GRHL3: variants seen among roughly 807,000 people sequenced by gnomAD.
GRHL3 encodes the protein grainyhead-like protein 3 homolog.
GRHL3 carries 20 observed loss-of-function variants against 70.3 expected under a neutral mutation model. That is an observed-to-expected ratio of 0.28 (90% CI 0.20 to 0.41). The LOEUF is 0.41. Ranked by LOEUF, GRHL3 falls within the 10% of genes least tolerant of loss-of-function variation. The pLI is 1.00. For missense variants in GRHL3, 637 were observed against 762.3 expected (o/e 0.84, Z 1.94); for synonymous variants, 299 against 299.9 (o/e 1.00, Z 0.03).
At chr1:24,330,290 G>T (rs1048078042) in intron 1 of GRHL3, among the ~76,000 whole-genome samples, 1 of 152,156 alleles carries the variant, frequency 6.6e-6, no homozygotes, top group African/African-American at 2.4e-5. Context: ...TAGTCACCCT[G>T]CTGTGAAAGC....
chr1:24,345,059 C>CT (rs1640206904), intron 12 of GRHL3, 128 bp downstream of exon 12: 4 of 709,204 alleles, frequency 5.6e-6, no homozygotes, highest in East Asian at 3.0e-5. Context: ...ACACCTGTGC[C>CT]CCTCCACACC....
chr1:24,331,621 A>G lies in GRHL3; in HGVS notation c.204+9A>G, dbSNP rs765315393. On this transcript the variant is annotated intron_variant, in intron 2 of 15. Transcript: ENST00000361548. ...TCTATGATTACTACATGGTACGTCT[A>G]CCCCCTCTGGACATGCCCCGTTTTG... The G allele has an allele frequency of 6.2e-7, 1 of 1,608,068 alleles. No individual in the cohort carries two copies.
At chr1:24,336,984 G>GT in intron 4 of GRHL3, 94 bp from the exon 5 acceptor site, 1 of 1,330,460 alleles carries the variant, frequency 7.5e-7, no homozygotes, top group Non-Finnish European at 1.1e-6. Context: ...GTTGTACACT[G>GT]TACAACCTGC....
At chr1:24,337,871 G>T in intron 6 of GRHL3, 82 bp downstream of exon 6, 1 of 1,590,484 alleles carries the variant, frequency 6.3e-7, no homozygotes, top group Non-Finnish European at 8.6e-7. Flanking sequence ...GGACCCTGGG[G>T]AAAGGCTGTT....
downstream of GRHL3, chr1:24,358,633 G>C: frequency 2.5e-6 from 4 of 1,601,994 alleles, no homozygotes; most frequent in South Asian, 3.3e-5. Context: ...TGAGGGGACA[G>C]AGAGGCGGAG....
chr1:24,362,075 GA>G (rs1240552736), intron 15 of GRHL3, among the ~76,000 whole-genome samples: 1 of 152,208 alleles, frequency 6.6e-6, no homozygotes, highest in Non-Finnish European at 1.5e-5. Flanking sequence ...TCTCCGCACT[GA>G]ATGGCCAAGG....
downstream of GRHL3, chr1:24,357,555 T>A (rs1640804788): frequency 6.4e-6 from 1 of 155,308 alleles, no homozygotes; most frequent in South Asian, 2.0e-4. Flanking sequence ...CAGTCAAGGC[T>A]GAGAACCACT....
chr1:24,330,125 T>G (rs571251052), intron 1 of GRHL3, among the ~76,000 whole-genome samples: 1 of 152,338 alleles, frequency 6.6e-6, no homozygotes, highest in Non-Finnish European at 1.5e-5. Context: ...TAGAGTACAG[T>G]GTGAGATTTC....
intron 3 of GRHL3, among the ~76,000 whole-genome samples, 165 bp from the exon 4 acceptor site, chr1:24,336,317 C>A (rs1048768483): frequency 1.3e-5 from 2 of 152,046 alleles, no homozygotes; most frequent in South Asian, 4.1e-4. Flanking sequence ...CCTGCTCATC[C>A]CTGTGGCCAA....
chr1:24,360,179 T>C (rs1386526363), downstream of GRHL3, among the ~76,000 whole-genome samples: 1 of 152,216 alleles, frequency 6.6e-6, no homozygotes. Flanking sequence ...GCACAGTGGC[T>C]CACGCCTGTA....
rs370145100 is a variant in GRHL3 at position 24,350,038 on chromosome 1, C to G, written c.1630-20C>G. On this transcript the variant is annotated intron_variant, in intron 14 of 15. Coordinates refer to ENST00000361548, the MANE Select transcript of GRHL3 (RefSeq NM_198173.3). Reference sequence around the variant, plus strand: ...CTAGCGTGGGCAGCAGGCAATGAATCACCTGTCTTTTCCTTCCAGATCTCT... The same window carrying G: ...CTAGCGTGGGCAGCAGGCAATGAATGACCTGTCTTTTCCTTCCAGATCTCT... 1.3e-6 allele frequency: 2 copies of G among 1,592,472 alleles called. No individual in the cohort carries two copies. Among genetic ancestry groups the G allele is most frequent in the Admixed American group, 1.7e-5 (1 of 59,616 alleles).
chr1:24,354,434 G>A lies in GRHL3; in HGVS notation c.1755G>A (p.Leu585=). The part of the protein sequence containing the change: ...IQHYSNHVAF[L]LDMGELDGKI... ...ATTACAGCAACCACGTCGCCTTCCT[G>A]CTGGACATGGGGGAGCTGGACGGCA... Residue 585 remains leucine, a synonymous_variant, in exon 16 of 16, where the codon CTG becomes CTA. Transcript: ENST00000361548. 1.2e-6 allele frequency: 2 copies of A among 1,614,006 alleles called. No homozygotes were observed. Among genetic ancestry groups the A allele is most frequent in the Non-Finnish European group, 1.7e-6 (2 of 1,179,922 alleles).
chr1:24,347,887 C>T (rs1041225243), intron 14 of GRHL3, among the ~76,000 whole-genome samples: 4 of 152,164 alleles, frequency 2.6e-5, no homozygotes, highest in Non-Finnish European at 5.9e-5. Flanking sequence ...AAAGGCCAGG[C>T]CCCAGAGACG....
At chr1:24,341,225 G>C (rs947958772) in intron 8 of GRHL3, among the ~76,000 whole-genome samples, 1 of 152,152 alleles carries the variant, frequency 6.6e-6, no homozygotes, top group Non-Finnish European at 1.5e-5. Context: ...CCATCAGTTG[G>C]GCATAGGCTT....
intron 1 of GRHL3, among the ~76,000 whole-genome samples, chr1:24,327,262 C>T (rs979137646): frequency 2.0e-5 from 3 of 152,200 alleles, no homozygotes; most frequent in Non-Finnish European, 4.4e-5. Flanking sequence ...GCACTTATTA[C>T]TAACTAAAAA....
At chr1:24,353,233 A>G (rs1362633446) in intron 15 of GRHL3, among the ~76,000 whole-genome samples, 2 of 152,230 alleles carry the variant, frequency 1.3e-5, no homozygotes, top group Non-Finnish European at 2.9e-5. Flanking sequence ...TCATCCTCCC[A>G]GTCCCTACTA....
chr1:24,354,304 C>A, intron 15 of GRHL3, 70 bp from the exon 16 acceptor site: 1 of 1,043,406 alleles, frequency 9.6e-7, no homozygotes, highest in Non-Finnish European at 1.5e-6. Flanking sequence ...CATCACTCAT[C>A]CTGGTCACTC....
downstream of GRHL3, chr1:24,358,612 G>T (rs745599379): frequency 6.2e-7 from 1 of 1,613,292 alleles, no homozygotes; most frequent in Non-Finnish European, 8.5e-7. Context: ...GCTCTGGCTT[G>T]TACGTAGCTG....
At chr1:24,336,456 A>G (rs550397949) in intron 3 of GRHL3, 26 bp from the exon 4 acceptor site, 2 of 1,483,194 alleles carry the variant, frequency 1.3e-6, no homozygotes, top group African/African-American at 1.4e-5. Flanking sequence ...AGAGAAGTAC[A>G]CTCAGCCCCT....
Sources: allele counts gnomAD v4.1 joint callset (sites outside exome capture counted in the v4.1 genomes callset), GRCh38; gene constraint gnomAD v4.1.1; transcripts MANE v1.5; gene names NCBI Gene and HGNC (gene_info 2026-07-23, HGNC 2026-07-21).